Variants in PRSS57 observed in about 807,000 individuals in gnomAD.
The protein encoded by PRSS57 is neutrophil serine protease 4.
In PRSS57, 19 loss-of-function variants were observed where a neutral mutation model predicts 20.6. That is an observed-to-expected ratio of 0.92 (90% CI 0.64 to 1.35). The LOEUF is 1.35. PRSS57 is among the 40% of genes most tolerant of loss of function. The probability of loss-of-function intolerance (pLI) is 0.00; values close to 1 mark genes in which losing one functional copy is unlikely to be tolerated. For synonymous variants in PRSS57, 203 were observed against 176.6 expected, an observed-to-expected ratio of 1.15 and a Z score of -1.19; for missense variants, 440 against 403.7, an observed-to-expected ratio of 1.09 and a Z score of -0.77.
At position 694,851 on chromosome 19, in the gene PRSS57, G is replaced by A. The variant is rs1321948297; in HGVS notation, c.196C>T (p.Arg66Cys). The A allele has an allele frequency of 1.1e-5, 17 of 1,606,928 alleles. No individual in the cohort carries two copies. In the African/African-American group the frequency reaches 1.1e-4, roughly 10 times the overall value. ...CAGTGGGCGGCCGAGACCACCCAGC[G>A]GGCTCGCAGCAGGAAGCCTCCGCAG... ...HHCGGFLLRA[R>C]WVVSAAHCFS... Residue 66 changes from arginine (R) to cysteine (C), a missense_variant, in exon 2 of 5, where the codon CGC (arginine) becomes TGC (cysteine). Physicochemically the swap from Arg to Cys is radical, Grantham distance 180 (BLOSUM62 -3). Transcript: ENST00000329267.
At chr19:689,978 G>A (rs1302169237) in intron 3 of PRSS57, among the ~76,000 whole-genome samples, 2 of 151,558 alleles carry the variant, frequency 1.3e-5, no homozygotes, top group East Asian at 1.9e-4. Context: ...GCTTGAACCC[G>A]GGAGATGGAG....
intron 1 of PRSS57, 40 bp from the exon 2 acceptor site, chr19:695,007 G>A (rs2031751519): frequency 6.7e-7 from 1 of 1,485,120 alleles, no homozygotes; most frequent in African/African-American, 1.4e-5. Flanking sequence ...GAGGCGGGAG[G>A]AACGGATGAC....
intron 3 of PRSS57, among the ~76,000 whole-genome samples, chr19:688,615 T>A (rs1164826219): frequency 6.9e-6 from 1 of 145,750 alleles, no homozygotes; most frequent in East Asian, 2.0e-4. Flanking sequence ...TTTTTTTTTT[T>A]TCAGATGGAG....
intron 3 of PRSS57, among the ~76,000 whole-genome samples, chr19:690,061 G>A (rs2031598326): frequency 7.1e-6 from 1 of 141,398 alleles, no homozygotes; most frequent in African/African-American, 2.7e-5. Flanking sequence ...TCAAAAAATA[G>A]GCCAGGATTG....
chr19:687,754 C>T (rs1038827443), intron 3 of PRSS57, among the ~76,000 whole-genome samples: 5 of 152,098 alleles, frequency 3.3e-5, no homozygotes, highest in East Asian at 1.9e-4. Context: ...AGCCCTCCCA[C>T]GGCTCCCGAT....
chr19:686,782 C>T, intron 4 of PRSS57, 143 bp downstream of exon 4: 1 of 1,063,116 alleles, frequency 9.4e-7, no homozygotes, highest in Non-Finnish European at 1.3e-6. Context: ...CTTGCCAACT[C>T]CCTGCCTTCC....
At position 695,407 on chromosome 19, in the gene PRSS57, C is replaced by G. The variant is rs763169445; in HGVS notation, c.24G>C (p.Trp8Cys). The part of the protein sequence containing the change: MGLGLRG[W>C]GRPLLTVATA... ...TGGCCACAGTCAGCAGAGGACGTCCCCAGCCCCTCAACCCGAGCCCCATGG... is the reference window on the plus strand; with the variant it reads ...TGGCCACAGTCAGCAGAGGACGTCCGCAGCCCCTCAACCCGAGCCCCATGG... The change falls in exon 1 of 5, where the codon TGG becomes TGC. Residue 8 changes from tryptophan (W) to cysteine (C), a missense_variant. Transcript: ENST00000329267. The G allele has an allele frequency of 2.4e-6, 3 of 1,275,408 alleles. No homozygotes were observed. Among genetic ancestry groups the G allele is most frequent in the African/African-American group, 3.0e-5 (2 of 65,928 alleles). 79.0% of individuals were successfully genotyped at this position (1,275,408 alleles called of 1,614,324 possible). A position where few individuals can be genotyped will look rare whatever the true frequency, so the allele number is the denominator to read the frequency against.
At chr19:694,315 C>A (rs1423356719) in intron 2 of PRSS57, among the ~76,000 whole-genome samples, 6 of 147,766 alleles carry the variant, frequency 4.1e-5, no homozygotes, top group Admixed American at 2.7e-4. Flanking sequence ...CACCTGCAAT[C>A]CCAGCACTTT....
intron 4 of PRSS57, among the ~76,000 whole-genome samples, chr19:686,315 A>G (rs1359221196): frequency 6.6e-6 from 1 of 151,728 alleles, no homozygotes; most frequent in African/African-American, 2.4e-5. Flanking sequence ...TCTCAGCTCA[A>G]AGGTGCTCTC....
chr19:685,670 C>G lies in PRSS57; in HGVS notation c.*46G>C. ...CCGTGGGGCCCAGCCACGGAACATTCCAGGCCTGGAGCGGCCATCTCATTT... is the reference window on the plus strand; with the variant it reads ...CCGTGGGGCCCAGCCACGGAACATTGCAGGCCTGGAGCGGCCATCTCATTT... On this transcript the variant is annotated 3_prime_UTR_variant, in exon 5 of 5. Coordinates refer to ENST00000329267, the MANE Select transcript of PRSS57 (RefSeq NM_001308209.2). The G allele has an allele frequency of 2.0e-6, 3 of 1,470,390 alleles. No individual in the cohort carries two copies. The South Asian group carries it at 4.0e-5, about 19-fold the overall frequency. The allele number at this position is 1,470,390 out of a possible 1,614,324, so 91.1% of individuals were successfully genotyped here. A position where few individuals can be genotyped will look rare whatever the true frequency, so the allele number is the denominator to read the frequency against.
rs374340388 is a variant in PRSS57 at position 687,103 on chromosome 19, C to T, written c.464G>A (p.Arg155Gln). The T allele has an allele frequency of 3.2e-5, 51 of 1,613,118 alleles. No individual in the cohort carries two copies. The highest frequency in any genetic ancestry group is 8.0e-5 in the African/African-American group (6 of 74,934). The stretch of plus-strand genomic sequence containing the variant: ...GAAGCCCCAGCCAGCCACCCGGCAC[C>T]GTGTCCCCGCTGTGGGGGGCCTGGC... ...RRARPPTAGT[R>Q]CRVAGWGFVS... is the part of the protein sequence containing the mutation. The change falls in exon 4 of 5, where the codon CGG becomes CAG. Residue 155 changes from arginine (R) to glutamine (Q), a missense_variant. Physicochemically the swap from Arg to Gln is conservative, Grantham distance 43. Transcript: ENST00000329267.
rs774941376 is a variant in PRSS57 at position 694,561 on chromosome 19, C to CA, written c.233+252dup. On this transcript the variant is annotated intron_variant, in intron 2 of 4. Transcript: ENST00000329267. Reference sequence around the variant, plus strand: ...CCAGCCTGGGGAACCGAGACTGCCTCAAAAAAAAAAAAGAACATAGTGACA... The same window carrying CA: ...CCAGCCTGGGGAACCGAGACTGCCTCAAAAAAAAAAAAAGAACATAGTGACA... Among the ~76,000 whole-genome samples, 97 of 130,730 alleles carry CA rather than the reference C, an allele frequency of 7.4e-4. 1 individual carries two copies. The highest frequency in any genetic ancestry group is 3.8e-3 in the Middle Eastern group (1 of 264). The allele number at this position is 130,730 out of a possible 152,430, so 85.8% of individuals were successfully genotyped here.
intron 3 of PRSS57, among the ~76,000 whole-genome samples, chr19:687,537 G>C (rs2031515607): frequency 6.6e-6 from 1 of 152,120 alleles, no homozygotes. Context: ...CTCCCAAGCA[G>C]CTGGGATTAC....
At position 691,962 on chromosome 19, in the gene PRSS57, G is replaced by C. The variant is rs750006713; in HGVS notation, c.274C>G (p.Leu92Val). ...TGCTGGGTGGGCTCCGCAGTACTCA[G>C]GACGTGGGCGCCCAGCACCACCAGG... Reference protein sequence around the residue: ...TGLVVLGAHVLSTAEPTQQVF... With the variant: ...TGLVVLGAHVVSTAEPTQQVF... Residue 92 changes from leucine to valine, a missense_variant, in exon 3 of 5, where the codon CTG becomes GTG. Coordinates refer to ENST00000329267, the MANE Select transcript of PRSS57 (RefSeq NM_001308209.2). 2 of 1,328,722 alleles carry C rather than the reference G, an allele frequency of 1.5e-6. No homozygotes were observed. Among genetic ancestry groups the C allele is most frequent in the Non-Finnish European group, 1.9e-6 (2 of 1,030,080 alleles). The allele number at this position is 1,328,722 out of a possible 1,614,324, so 82.3% of individuals were successfully genotyped here.
At chr19:692,761 T>C (rs1391284025) in intron 2 of PRSS57, among the ~76,000 whole-genome samples, 1 of 151,852 alleles carries the variant, frequency 6.6e-6, no homozygotes, top group African/African-American at 2.4e-5. Context: ...ATGTTTATTA[T>C]TTTTCCTACC....
intron 3 of PRSS57, 110 bp from the exon 4 acceptor site, chr19:687,298 C>G (rs895774471): frequency 7.7e-7 from 1 of 1,296,490 alleles, no homozygotes. Context: ...AAATCAATGG[C>G]GGCCACCATG....
chr19:686,594 C>A (rs1308052203), intron 4 of PRSS57, among the ~76,000 whole-genome samples: 1 of 152,102 alleles, frequency 6.6e-6, no homozygotes, highest in Non-Finnish European at 1.5e-5. Context: ...CCCTCCAGGG[C>A]CAGTGTCTCC....
At chr19:689,977 C>T (rs10418290) in intron 3 of PRSS57, among the ~76,000 whole-genome samples, 70,288 of 149,472 alleles carry the variant, frequency 0.47, 17,157 homozygotes, top group Middle Eastern at 0.6. Flanking sequence ...CGCTTGAACC[C>T]GGGAGATGGA....
intron 3 of PRSS57, chr19:690,732 A>G: frequency 2.8e-6 from 1 of 352,060 alleles, no homozygotes; most frequent in Non-Finnish European, 5.4e-6. Flanking sequence ...CTGGGTGTTG[A>G]GTGCTCCAAG....
Sources: gnomAD v4.1 joint callset for allele counts (sites outside exome capture counted in the v4.1 genomes callset) on GRCh38, gnomAD v4.1.1 for gene constraint, MANE v1.5 for transcripts, NCBI Gene and HGNC (gene_info 2026-07-23, HGNC 2026-07-21) for gene names.